PXDN: variants seen among roughly 807,000 people sequenced by gnomAD.
PXDN encodes the protein peroxidasin, also known as peroxidasin homolog.
Under a neutral mutation model 140.3 loss-of-function variants are expected in PXDN, and 77 were observed. That is an observed-to-expected ratio of 0.55 (90% confidence interval 0.46 to 0.66). PXDN has a LOEUF of 0.66. PXDN is among the 30% of genes least tolerant of loss of function. The probability of loss-of-function intolerance (pLI) is 0.00; values close to 1 mark genes in which losing one functional copy is unlikely to be tolerated. For synonymous variants in PXDN, 911 were observed against 857.4 expected, an observed-to-expected ratio of 1.06 and a Z score of -1.09; for missense variants, 1,838 against 2,039.5, an observed-to-expected ratio of 0.90 and a Z score of 1.90.
chr2:1,716,422 A>AGT (rs1397149675), intron 1 of PXDN, among the ~76,000 whole-genome samples: 4 of 123,676 alleles, frequency 3.2e-5, no homozygotes, highest in African/African-American at 6.1e-5. Context: ...TGGGCAACAG[A>AGT]GTGAGACTCC....
chr2:1,634,267 G>C lies in PXDN; in HGVS notation c.4377C>G (p.Pro1459=), dbSNP rs556928727. ...EACPPATCAV[P]VNIPGACCPV... ...GACAGCAGGCCCCTGGGATGTTCAC[G>C]GGGACAGCACAGGTGGCAGGGGGGC... Residue 1459 remains proline, a synonymous_variant, in exon 23 of 23, where the codon CCC becomes CCG. Transcript: ENST00000252804. The C allele has an allele frequency of 4.4e-6, 7 of 1,608,168 alleles. No individual in the cohort carries two copies. Among genetic ancestry groups the C allele is most frequent in the Non-Finnish European group, 5.9e-6 (7 of 1,177,574 alleles).
chr2:1,710,461 T>C lies in PXDN; in HGVS notation c.201-17327A>G, dbSNP rs1019636361. Among the ~76,000 whole-genome samples, 331 of 151,242 alleles carry C rather than the reference T, an allele frequency of 2.2e-3. 1 individual carries two copies. Among genetic ancestry groups the C allele is most frequent in the African/African-American group, 7.4e-3 (305 of 41,108 alleles). On this transcript the variant is annotated intron_variant, in intron 1 of 22. Transcript: ENST00000252804. The stretch of plus-strand genomic sequence containing the variant: ...GTGACACATGTTAGATGAGCACCCG[T>C]TCCACCAGCATCCACTTTCCACCAG...
Position 1,633,411 on chromosome 2 carries a change from G to C in PXDN, c.*793C>G, listed in dbSNP as rs1682465885. The C allele has an allele frequency of 6.6e-6, 1 of 152,124 alleles. No individual in the cohort carries two copies. Among genetic ancestry groups the C allele is most frequent in the East Asian group, 1.9e-4 (1 of 5,166 alleles). 9.4% of individuals were successfully genotyped at this position (152,124 alleles called of 1,614,324 possible). A position where few individuals can be genotyped will look rare whatever the true frequency, so the allele number is the denominator to read the frequency against. Reference sequence around the variant, plus strand: ...TCACAACTAGGCAGTATGTGTGCAAGTGACAGCTGAAAGCAAACCTGTTTC... The same window carrying C: ...TCACAACTAGGCAGTATGTGTGCAACTGACAGCTGAAAGCAAACCTGTTTC... On this transcript the variant is annotated 3_prime_UTR_variant, in exon 23 of 23. Transcript: ENST00000252804.
At chr2:1,676,665 C>T (rs780919648) in intron 8 of PXDN, 10 of 520,962 alleles carry the variant, frequency 1.9e-5, no homozygotes, top group Non-Finnish European at 2.8e-5. Context: ...CGGGAAGGGC[C>T]GCAGTGACGC....
At chr2:1,738,682 G>C (rs771602153) in intron 1 of PXDN, among the ~76,000 whole-genome samples, 3 of 151,920 alleles carry the variant, frequency 2.0e-5, no homozygotes, top group African/African-American at 4.8e-5. Flanking sequence ...CCGAGTAGCT[G>C]TGACCACAGG....
intron 2 of PXDN, chr2:1,692,556 G>A (rs530027735): frequency 4.0e-4 from 190 of 471,952 alleles, no homozygotes; most frequent in Non-Finnish European, 7.5e-4. Flanking sequence ...TGGTGCAGAA[G>A]GGAACCAGCT....
At chr2:1,683,903 C>T (rs942505021) in intron 5 of PXDN, among the ~76,000 whole-genome samples, 176 bp from the exon 6 acceptor site, 1 of 152,106 alleles carries the variant, frequency 6.6e-6, no homozygotes, top group East Asian at 1.9e-4. Context: ...GTTTTATCAA[C>T]ACTCTCAATT....
In PXDN at chr2:1,649,281, C is replaced by G. The variant is rs1343672928; in HGVS notation, c.2499G>C (p.Val833=). ...QFLDHDLDST[V]VALSQARFSD... is the part of the protein sequence containing the mutation. Reference sequence around the variant, plus strand: ...AGAAGCGTGCCTGGCTCAGGGCCACCACCGTGGAGTCGAGGTCGTGGTCCA... The same window carrying G: ...AGAAGCGTGCCTGGCTCAGGGCCACGACCGTGGAGTCGAGGTCGTGGTCCA... The change falls in exon 17 of 23, where the codon GTG becomes GTC. Residue 833 remains valine (V), a synonymous_variant. Coordinates refer to ENST00000252804, the MANE Select transcript of PXDN (RefSeq NM_012293.3). The surrounding 1 kb of genome is among the most constrained non-coding windows in gnomAD (Gnocchi z 7.1). 2 of 1,613,432 alleles carry G rather than the reference C, an allele frequency of 1.2e-6. No homozygotes were observed. Among genetic ancestry groups the G allele is most frequent in the South Asian group, 2.2e-5 (2 of 91,028 alleles).
chr2:1,672,602 C>T (rs531304047), intron 9 of PXDN, among the ~76,000 whole-genome samples: 37 of 152,172 alleles, frequency 2.4e-4, no homozygotes, highest in Non-Finnish European at 4.3e-4. Context: ...GGCTTTGATT[C>T]AGCAGTACTA....
intron 18 of PXDN, 107 bp downstream of exon 18, chr2:1,644,511 C>A: frequency 7.8e-7 from 1 of 1,283,020 alleles, no homozygotes; most frequent in Non-Finnish European, 1.0e-6. Flanking sequence ...ACAGAAGACA[C>A]TAGGGCCTCG....
At chr2:1,723,762 A>G (rs1257050828) in intron 1 of PXDN, among the ~76,000 whole-genome samples, 3 of 152,160 alleles carry the variant, frequency 2.0e-5, no homozygotes, top group Non-Finnish European at 4.4e-5. Flanking sequence ...ATAGGGTGAC[A>G]TGGGCACTGA....
chr2:1,683,390 T>A (rs1362357740), intron 6 of PXDN, among the ~76,000 whole-genome samples: 1 of 152,160 alleles, frequency 6.6e-6, no homozygotes, highest in Admixed American at 6.5e-5. Context: ...CACTCCAGCC[T>A]GGGCAACAGA....
At chr2:1,688,268 A>ATCCTATTTCCTATT (rs1322450568) in intron 3 of PXDN, among the ~76,000 whole-genome samples, 1 of 152,324 alleles carries the variant, frequency 6.6e-6, no homozygotes. Context: ...CAATAGGAGA[A>ATCCTATTTCCTATT]TCCTATTTCC....
At chr2:1,699,580 G>T (rs1684374767) in intron 1 of PXDN, among the ~76,000 whole-genome samples, 1 of 151,998 alleles carries the variant, frequency 6.6e-6, no homozygotes, top group South Asian at 2.1e-4. Context: ...CGTGGTGGTG[G>T]GTGCCTGTAA....
chr2:1,666,311 G>A lies in PXDN; in HGVS notation c.1194C>T (p.Tyr398=), dbSNP rs1329643806. The part of the protein sequence containing the change: ...RVNITPSGGL[Y]IQNVVQGDSG... ...TGTCCCCCTGTACGACGTTCTGTATGTAAAGCCCGCCAGAAGGCGTGATGT... is the reference window on the plus strand; with the variant it reads ...TGTCCCCCTGTACGACGTTCTGTATATAAAGCCCGCCAGAAGGCGTGATGT... The change falls in exon 10 of 23, where the codon TAC becomes TAT. Residue 398 remains tyrosine, a synonymous_variant. Transcript: ENST00000252804. 4 of 1,613,936 alleles carry A rather than the reference G, an allele frequency of 2.5e-6. No homozygotes were observed. The highest frequency in any genetic ancestry group is 1.3e-5 in the African/African-American group (1 of 74,934).
At chr2:1,637,556 C>CT (rs1267048058) in intron 21 of PXDN, among the ~76,000 whole-genome samples, 1 of 150,576 alleles carries the variant, frequency 6.6e-6, no homozygotes, top group African/African-American at 2.5e-5. Context: ...GCTGTCCACT[C>CT]TGACAGCTGC....
At position 1,648,743 on chromosome 2, in the gene PXDN, T is replaced by C; in HGVS notation, c.3037A>G (p.Thr1013Ala). ...LKLNPHWDGD[T>A]IYYETRKIVG... ...ATCTTCCTGGTCTCATAGTAGATGG[T>C]GTCGCCGTCCCAGTGCGGGTTCAGC... The change falls in exon 17 of 23, where the codon ACC (threonine) becomes GCC (alanine). Residue 1013 changes from threonine (T) to alanine (A), a missense_variant. Transcript: ENST00000252804. The surrounding 1 kb of genome is among the most constrained non-coding windows in gnomAD (Gnocchi z 8.9). 6.2e-7 allele frequency: 1 copy of C among 1,604,228 alleles called. No individual in the cohort carries two copies. Among genetic ancestry groups the C allele is most frequent in the South Asian group, 1.1e-5 (1 of 88,986 alleles).
chr2:1,644,958 C>T (rs187330517), intron 17 of PXDN, among the ~76,000 whole-genome samples: 2 of 152,288 alleles, frequency 1.3e-5, no homozygotes, highest in African/African-American at 2.4e-5. Context: ...ATGTGAGACA[C>T]ACACACACAC....
At chr2:1,733,254 T>A (rs1352463277) in intron 1 of PXDN, among the ~76,000 whole-genome samples, 2 of 151,940 alleles carry the variant, frequency 1.3e-5, no homozygotes, top group Non-Finnish European at 2.9e-5. Flanking sequence ...AAATAAAAAA[T>A]TAAAATCAAA....
Sources: gnomAD v4.1 joint callset for allele counts (sites outside exome capture counted in the v4.1 genomes callset) on GRCh38, gnomAD v4.1.1 for gene constraint, Gnocchi (gnomAD v3.1) non-coding constraint, MANE v1.5 for transcripts, NCBI Gene and HGNC (gene_info 2026-07-23, HGNC 2026-07-21) for gene names.